CDH6: variants seen among roughly 807,000 people sequenced by gnomAD.
CDH6 encodes the protein cadherin-6.
A neutral mutation model predicts 78.0 loss-of-function variants in CDH6; 31 were observed. The observed-to-expected ratio is 0.40, with a 90% CI of 0.30 to 0.54. The LOEUF is 0.54. CDH6 is among the 20% of genes least tolerant of loss of function. CDH6 has a pLI of 0.56. For synonymous variants in CDH6, 376 were observed against 368.8 expected (o/e 1.02, Z -0.23); for missense variants, 724 against 975.9 (o/e 0.74, Z 3.44).
chr5:31,274,156 T>C (rs1742618639), intron 2 of CDH6, among the ~76,000 whole-genome samples: 1 of 152,266 alleles, frequency 6.6e-6, no homozygotes. Context: ...AAAATATTTC[T>C]AGAAGTAACT....
At chr5:31,244,359 G>A (rs779253143) in intron 1 of CDH6, among the ~76,000 whole-genome samples, 1 of 152,188 alleles carries the variant, frequency 6.6e-6, no homozygotes, top group South Asian at 2.1e-4. Context: ...AATTCCTTTG[G>A]AAGGCTCTGT....
At chr5:31,292,329 T>A (rs910467715) in intron 2 of CDH6, among the ~76,000 whole-genome samples, 1 of 152,216 alleles carries the variant, frequency 6.6e-6, no homozygotes, top group African/African-American at 2.4e-5. Context: ...GCCTTTGACA[T>A]GTCAACAGTG....
At chr5:31,224,352 TG>T (rs1412616528) in intron 1 of CDH6, among the ~76,000 whole-genome samples, 1 of 152,138 alleles carries the variant, frequency 6.6e-6, no homozygotes, top group African/African-American at 2.4e-5. Flanking sequence ...CCACAACATG[TG>T]GGAATTCAAG....
At chr5:31,261,283 G>C (rs1742205076) in intron 1 of CDH6, among the ~76,000 whole-genome samples, 1 of 152,172 alleles carries the variant, frequency 6.6e-6, no homozygotes, top group Non-Finnish European at 1.5e-5. Flanking sequence ...AATGCAGTAA[G>C]AGAGATGTTA....
chr5:31,318,608 C>CT (rs1350463714), intron 11 of CDH6: 2 of 229,200 alleles, frequency 8.7e-6, no homozygotes, highest in African/African-American at 4.4e-5. Context: ...ATTTTTACCC[C>CT]TAACCAACTA....
intron 1 of CDH6, among the ~76,000 whole-genome samples, chr5:31,201,230 T>C (rs1740341205): frequency 6.6e-6 from 1 of 152,230 alleles, no homozygotes. Flanking sequence ...TGTGTGTTCC[T>C]ACATTTTGCA....
At chr5:31,207,710 T>A (rs1740569997) in intron 1 of CDH6, among the ~76,000 whole-genome samples, 1 of 152,246 alleles carries the variant, frequency 6.6e-6, no homozygotes, top group Non-Finnish European at 1.5e-5. Context: ...GAACTCATTA[T>A]GAAACTCTGG....
chr5:31,280,245 G>T (rs529244111), intron 2 of CDH6, among the ~76,000 whole-genome samples: 2 of 152,186 alleles, frequency 1.3e-5, no homozygotes, highest in African/African-American at 4.8e-5. Context: ...GAGTTTCATG[G>T]CAGAAAACTT....
intron 7 of CDH6, among the ~76,000 whole-genome samples, chr5:31,309,785 G>A (rs1218599866): frequency 2.6e-5 from 4 of 152,182 alleles, no homozygotes; most frequent in Non-Finnish European, 4.4e-5. Context: ...AAGAGGGAAA[G>A]GAAGGGGAAA....
chr5:31,223,471 T>C (rs1741057299), intron 1 of CDH6, among the ~76,000 whole-genome samples: 1 of 152,212 alleles, frequency 6.6e-6, no homozygotes, highest in Non-Finnish European at 1.5e-5. Flanking sequence ...AATGTGGAAC[T>C]TAGGAGTTTT....
At chr5:31,253,339 G>T (rs760114696) in intron 1 of CDH6, among the ~76,000 whole-genome samples, 1 of 152,148 alleles carries the variant, frequency 6.6e-6, no homozygotes, top group Non-Finnish European at 1.5e-5. Context: ...TTTACAAGGG[G>T]CTTTTCTCTC....
chr5:31,284,612 G>T (rs987977722), intron 2 of CDH6, among the ~76,000 whole-genome samples: 6 of 152,212 alleles, frequency 3.9e-5, no homozygotes, highest in Admixed American at 3.3e-4. Context: ...AAATCCTGTA[G>T]CTAGGACTAC....
rs192192033 is a variant in CDH6 at position 31,204,239 on chromosome 5, A to G, written c.-129+10353A>G. Reference sequence around the variant, plus strand: ...AAGAGCACTGTGGTTTGTTTTTCTTAGAAAACTTTTTCTTCTTGAGTTTAA... The same window carrying G: ...AAGAGCACTGTGGTTTGTTTTTCTTGGAAAACTTTTTCTTCTTGAGTTTAA... On this transcript the variant is annotated intron_variant, in intron 1 of 11. Coordinates refer to ENST00000265071, the MANE Select transcript of CDH6 (RefSeq NM_004932.4). 7.2e-5 allele frequency among the ~76,000 whole-genome samples: 11 copies of G among 152,310 alleles called. 1 individual carries two copies. Among genetic ancestry groups the G allele is most frequent in the African/African-American group, 2.6e-4 (11 of 41,578 alleles).
At chr5:31,299,243 A>G (rs1737690354) in intron 4 of CDH6, among the ~76,000 whole-genome samples, 1 of 151,882 alleles carries the variant, frequency 6.6e-6, no homozygotes, top group Non-Finnish European at 1.5e-5. Flanking sequence ...ACTTATTTTT[A>G]TTCTCCTTGT....
At chr5:31,275,131 A>G (rs1247733030) in intron 2 of CDH6, among the ~76,000 whole-genome samples, 5 of 152,222 alleles carry the variant, frequency 3.3e-5, no homozygotes, top group African/African-American at 1.2e-4. Flanking sequence ...GCAGATAAGA[A>G]TATAAATAAG....
intron 2 of CDH6, among the ~76,000 whole-genome samples, chr5:31,279,841 G>A (rs1430265736): frequency 1.3e-5 from 2 of 152,128 alleles, no homozygotes; most frequent in Admixed American, 1.3e-4. Flanking sequence ...TGCCTTGACT[G>A]TTCTGTCTAT....
chr5:31,317,825 G>C lies in CDH6; in HGVS notation c.1783G>C (p.Gly595Arg). The change falls in exon 11 of 12, where the codon GGG becomes CGG. Residue 595 changes from glycine (G) to arginine (R), a missense_variant. Physicochemically the swap from Gly to Arg is moderately radical, Grantham distance 125. This residue lies in a region of CDH6 where 446 missense variants were observed against 684.5 expected (regional missense o/e 0.65). Transcript: ENST00000265071. ...CCGGGTCTGTGCATGTGACCACCACGGGAACATGCAATCCTGCCATGCGGA... is the reference window on the plus strand; with the variant it reads ...CCGGGTCTGTGCATGTGACCACCACCGGAACATGCAATCCTGCCATGCGGA... ...TVRVCACDHHGNMQSCHAEAL... is the reference protein window; with the variant it reads ...TVRVCACDHHRNMQSCHAEAL... 6.2e-7 allele frequency: 1 copy of C among 1,614,102 alleles called. No individual in the cohort carries two copies. Among genetic ancestry groups the C allele is most frequent in the South Asian group, 1.1e-5 (1 of 91,082 alleles).
chr5:31,204,258 A>C (rs576332715), intron 1 of CDH6, among the ~76,000 whole-genome samples: 9 of 152,236 alleles, frequency 5.9e-5, no homozygotes, highest in Admixed American at 5.9e-4. Flanking sequence ...TTTCTTCTTG[A>C]GTTTAAATGG....
At chr5:31,241,876 T>C (rs777737408) in intron 1 of CDH6, among the ~76,000 whole-genome samples, 1 of 152,232 alleles carries the variant, frequency 6.6e-6, no homozygotes, top group Non-Finnish European at 1.5e-5. Flanking sequence ...CGTGCCTATA[T>C]TGCAGTCTAT....
Sources: allele counts gnomAD v4.1 joint callset (sites outside exome capture counted in the v4.1 genomes callset), GRCh38; gene constraint gnomAD v4.1.1; regional missense constraint gnomAD v4.1.1; transcripts MANE v1.5; gene names NCBI Gene and HGNC (gene_info 2026-07-23, HGNC 2026-07-21).